Variants in CNTNAP5 observed in about 807,000 individuals in gnomAD.
The protein encoded by CNTNAP5 is contactin associated protein family member 5.
Under a neutral mutation model 150.2 loss-of-function variants are expected in CNTNAP5, and 72 were observed. The observed-to-expected ratio is 0.48, with a 90% CI of 0.40 to 0.58. CNTNAP5 has a LOEUF of 0.58. Among genes scored for constraint, CNTNAP5 ranks in the 20% least tolerant of loss-of-function variants. CNTNAP5 has a pLI of 0.00. For missense variants in CNTNAP5, 1,636 were observed against 1,626.2 expected (o/e 1.01, Z -0.10); for synonymous variants, 672 against 619.8 (o/e 1.08, Z -1.25).
intron 3 of CNTNAP5, among the ~76,000 whole-genome samples, chr2:124,284,944 G>T (rs985370470): frequency 6.6e-6 from 1 of 152,066 alleles, no homozygotes; most frequent in African/African-American, 2.4e-5. Context: ...CTGAGACAGG[G>T]TCTTGCTTTG....
intron 6 of CNTNAP5, among the ~76,000 whole-genome samples, chr2:124,461,754 G>A (rs148681134): frequency 1.3e-5 from 2 of 151,868 alleles, no homozygotes; most frequent in African/African-American, 4.8e-5. Context: ...CTACTCGGGA[G>A]GCTGAGGCAG....
At chr2:124,326,809 A>G (rs1249696623) in intron 3 of CNTNAP5, among the ~76,000 whole-genome samples, 1 of 151,800 alleles carries the variant, frequency 6.6e-6, no homozygotes, top group African/African-American at 2.4e-5. Context: ...AAATACATAC[A>G]TACATACAAA....
At chr2:124,550,642 C>G (rs2104916390) in intron 10 of CNTNAP5, among the ~76,000 whole-genome samples, 2 of 152,230 alleles carry the variant, frequency 1.3e-5, no homozygotes, top group Middle Eastern at 6.8e-3. Flanking sequence ...CTAACCCAAC[C>G]AGATTTCTCT....
chr2:124,342,064 G>C (rs969852941), intron 3 of CNTNAP5, among the ~76,000 whole-genome samples: 1 of 152,126 alleles, frequency 6.6e-6, no homozygotes, highest in Non-Finnish European at 1.5e-5. Context: ...AACACGATAA[G>C]CAGGGTTAGA....
intron 3 of CNTNAP5, among the ~76,000 whole-genome samples, chr2:124,374,718 G>A (rs1452385013): frequency 6.6e-6 from 1 of 152,054 alleles, no homozygotes; most frequent in East Asian, 1.9e-4. Context: ...CACACCTAGT[G>A]GCAAAATCTT....
At chr2:124,334,548 T>C (rs1214930537) in intron 3 of CNTNAP5, among the ~76,000 whole-genome samples, 1 of 152,042 alleles carries the variant, frequency 6.6e-6, no homozygotes, top group Non-Finnish European at 1.5e-5. Flanking sequence ...TATAGAGAGA[T>C]TAGAAAGACC....
rs567226701 is a variant in CNTNAP5, at chr2:124,050,536, C to A, written c.82+24804C>A. On this transcript the variant is annotated intron_variant, in intron 1 of 23. Transcript: ENST00000682447. ...AGATCTTAGAAAGAGAAAGGAAGGT[C>A]GGGATAAGGGGCATATCTACTCCAC... Among the ~76,000 whole-genome samples the A allele has an allele frequency of 2.6e-5, 4 of 152,052 alleles. No homozygotes were observed. The South Asian group carries it at 8.3e-4, about 32-fold the overall frequency.
At chr2:124,423,656 T>TTA (rs1692168287) in intron 4 of CNTNAP5, among the ~76,000 whole-genome samples, 1 of 85,912 alleles carries the variant, frequency 1.2e-5, no homozygotes, top group South Asian at 5.0e-4. Context: ...AATTAACTTT[T>TTA]TTTTTTTTTT....
At chr2:124,395,298 T>C (rs1332017837) in intron 3 of CNTNAP5, among the ~76,000 whole-genome samples, 2 of 152,084 alleles carry the variant, frequency 1.3e-5, no homozygotes, top group African/African-American at 4.8e-5. Flanking sequence ...GAAGCAACAG[T>C]GTTGAGCAGA....
At chr2:124,514,794 G>A (rs884376) in intron 8 of CNTNAP5, among the ~76,000 whole-genome samples, 71,888 of 151,948 alleles carry the variant, frequency 0.47, 17,102 homozygotes, top group Middle Eastern at 0.58. Context: ...AAGAGAAATA[G>A]AACGAGAACC....
chr2:124,397,240 A>C (rs1190391778), intron 3 of CNTNAP5, among the ~76,000 whole-genome samples: 2 of 152,218 alleles, frequency 1.3e-5, no homozygotes, highest in African/African-American at 4.8e-5. Flanking sequence ...TCTAGCTGCT[A>C]TAACAAATGT....
intron 7 of CNTNAP5, among the ~76,000 whole-genome samples, chr2:124,489,691 A>AT (rs1459071659): frequency 1.3e-5 from 2 of 152,160 alleles, no homozygotes; most frequent in Non-Finnish European, 2.9e-5. Flanking sequence ...GTAGTCAGGT[A>AT]TCCAGATCCT....
intron 13 of CNTNAP5, among the ~76,000 whole-genome samples, chr2:124,664,325 G>GAAAAA (rs34108388): frequency 9.4e-6 from 1 of 106,186 alleles, no homozygotes; most frequent in Non-Finnish European, 1.9e-5. Flanking sequence ...CCTGTCTCAA[G>GAAAAA]AAAAAAAAAA....
chr2:124,215,918 AG>A (rs1279059975), intron 1 of CNTNAP5, among the ~76,000 whole-genome samples: 3 of 152,178 alleles, frequency 2.0e-5, no homozygotes, highest in African/African-American at 7.2e-5. Flanking sequence ...AAACTGGACT[AG>A]GGCCACCTAC....
At position 124,877,252 on chromosome 2, in the gene CNTNAP5, A is replaced by G. The variant is rs2685165; in HGVS notation, c.3436+7490A>G. 9.5e-3 allele frequency among the ~76,000 whole-genome samples: 1,446 copies of G among 152,228 alleles called. 19 individuals are homozygous for G. Among genetic ancestry groups the G allele is most frequent in the African/African-American group, 0.033 (1,381 of 41,548 alleles). ...GTTGTCTGTTTTTTCTAAGAGTGAA[A>G]CCACTCTATGAATAGCATGCCCTTG... On this transcript the variant is annotated intron_variant, in intron 21 of 23. Coordinates refer to ENST00000682447, the MANE Select transcript of CNTNAP5 (RefSeq NM_001367498.1).
At chr2:124,781,342 T>C (rs1681446957) in intron 17 of CNTNAP5, among the ~76,000 whole-genome samples, 1 of 152,172 alleles carries the variant, frequency 6.6e-6, no homozygotes, top group African/African-American at 2.4e-5. Flanking sequence ...TGGATGCAGC[T>C]CCCAACTCCA....
At chr2:124,765,710 C>T (rs2104602746) in intron 16 of CNTNAP5, among the ~76,000 whole-genome samples, 1 of 152,182 alleles carries the variant, frequency 6.6e-6, no homozygotes, top group Non-Finnish European at 1.5e-5. Context: ...AATCCTAGCA[C>T]TTTGGGAGGC....
chr2:124,558,896 T>C (rs1162471494), intron 10 of CNTNAP5, among the ~76,000 whole-genome samples: 1 of 152,232 alleles, frequency 6.6e-6, no homozygotes, highest in Admixed American at 6.5e-5. Context: ...CCAGTTTACA[T>C]ACTCAGAAAT....
chr2:124,567,210 C>A (rs1041388388), intron 11 of CNTNAP5, among the ~76,000 whole-genome samples: 1 of 151,980 alleles, frequency 6.6e-6, no homozygotes, highest in Non-Finnish European at 1.5e-5. Context: ...CTGGGTGAGG[C>A]GGGCACAATG....
Sources: gnomAD v4.1 joint callset for allele counts (sites outside exome capture counted in the v4.1 genomes callset) on GRCh38, gnomAD v4.1.1 for gene constraint, MANE v1.5 for transcripts, NCBI Gene and HGNC (gene_info 2026-07-23, HGNC 2026-07-21) for gene names.